NLGN1: variants seen among roughly 807,000 people sequenced by gnomAD.
NLGN1 encodes the protein neuroligin-1.
NLGN1 carries 12 observed loss-of-function variants against 65.5 expected under a neutral mutation model. That is an observed-to-expected ratio of 0.18 (90% CI 0.12 to 0.30). NLGN1 has a LOEUF of 0.30. Among genes scored for constraint, NLGN1 ranks in the 10% least tolerant of loss-of-function variants. NLGN1 has a pLI of 1.00. For missense variants in NLGN1, 750 were observed against 1,007.1 expected (o/e 0.74, Z 3.46); for synonymous variants, 350 against 359.5 (o/e 0.97, Z 0.30).
chr3:173,918,017 C>T (rs1205132637), intron 4 of NLGN1, among the ~76,000 whole-genome samples: 2 of 152,080 alleles, frequency 1.3e-5, no homozygotes, highest in Non-Finnish European at 2.9e-5. Flanking sequence ...GCAGTAAGAA[C>T]ACGTACCTCT....
chr3:173,994,489 AAAAG>A (rs1362638208), intron 4 of NLGN1, among the ~76,000 whole-genome samples: 3 of 62,458 alleles, frequency 4.8e-5, no homozygotes, highest in South Asian at 5.8e-4. Flanking sequence ...AAAAAAAAAA[AAAAG>A]AGAGAGAGAG....
intron 3 of NLGN1, among the ~76,000 whole-genome samples, chr3:173,671,901 G>C (rs763153437): frequency 6.6e-6 from 1 of 152,194 alleles, no homozygotes; most frequent in African/African-American, 2.4e-5. Context: ...TTGGCCGGGC[G>C]TGGTGGCTCA....
intron 3 of NLGN1, among the ~76,000 whole-genome samples, chr3:173,675,887 T>TCTCTCTCTCTCA (rs756157881): frequency 4.6e-4 from 64 of 138,644 alleles, no homozygotes; most frequent in Middle Eastern, 3.8e-3. Flanking sequence ...TCTCTCTCTC[T>TCTCTCTCTCTCA]CACACACACA....
At chr3:173,548,164 C>G (rs1176112413) in intron 2 of NLGN1, among the ~76,000 whole-genome samples, 2 of 152,082 alleles carry the variant, frequency 1.3e-5, no homozygotes, top group African/African-American at 4.8e-5. Context: ...CCTTCACTTA[C>G]CATATGCAGC....
chr3:173,960,437 T>G (rs1713264060), intron 4 of NLGN1, among the ~76,000 whole-genome samples: 2 of 152,014 alleles, frequency 1.3e-5, no homozygotes, highest in Admixed American at 6.5e-5. Context: ...TTTGCTCCAA[T>G]GTAACTTTGG....
At chr3:174,076,724 A>AGAGAGTGTGT (rs1491274049) in intron 4 of NLGN1, among the ~76,000 whole-genome samples, 8 of 82,044 alleles carry the variant, frequency 9.8e-5, no homozygotes, top group Non-Finnish European at 1.7e-4. Context: ...AGAGAGAGAG[A>AGAGAGTGTGT]GTGTGTGTGT....
chr3:173,789,836 A>G (rs1051805758), intron 3 of NLGN1: 10 of 508,378 alleles, frequency 2.0e-5, no homozygotes, highest in African/African-American at 1.5e-4. Flanking sequence ...TGAATAGAAC[A>G]CATTTTCTAT....
At chr3:174,024,988 C>A (rs1321700122) in intron 4 of NLGN1, among the ~76,000 whole-genome samples, 1 of 152,156 alleles carries the variant, frequency 6.6e-6, no homozygotes, top group Non-Finnish European at 1.5e-5. Flanking sequence ...TTCATGAGCC[C>A]AGGCTGTTCT....
chr3:174,053,470 G>GT (rs1735365984), intron 4 of NLGN1, among the ~76,000 whole-genome samples: 2 of 151,826 alleles, frequency 1.3e-5, no homozygotes, highest in South Asian at 4.2e-4. Flanking sequence ...AATTGATTCT[G>GT]TTTTTTCAGT....
upstream of NLGN1, among the ~76,000 whole-genome samples, chr3:173,396,060 TGGC>T (rs879786935): frequency 4.0e-5 from 6 of 151,524 alleles, no homozygotes; most frequent in East Asian, 1.9e-4. Flanking sequence ...CAGGTAGCAG[TGGC>T]GGCGGCGGCG....
chr3:173,788,578 A>G (rs1394618285), intron 3 of NLGN1, among the ~76,000 whole-genome samples: 2 of 152,112 alleles, frequency 1.3e-5, no homozygotes, highest in Admixed American at 6.5e-5. Flanking sequence ...AACTAATGAA[A>G]AAAAATCAAG....
chr3:173,909,254 G>A (rs1739085602), intron 4 of NLGN1, among the ~76,000 whole-genome samples: 1 of 152,048 alleles, frequency 6.6e-6, no homozygotes, highest in African/African-American at 2.4e-5. Context: ...ATGGCATTTG[G>A]CACCTAGAAG....
At chr3:174,256,237 C>G (rs952570783) in intron 4 of NLGN1, among the ~76,000 whole-genome samples, 1 of 152,116 alleles carries the variant, frequency 6.6e-6, no homozygotes, top group Non-Finnish European at 1.5e-5. Context: ...ATTCAGGGGA[C>G]ATAGGCCAAT....
At chr3:173,803,458 A>C (rs1457450161) in intron 3 of NLGN1, among the ~76,000 whole-genome samples, 2 of 152,062 alleles carry the variant, frequency 1.3e-5, no homozygotes, top group Non-Finnish European at 2.9e-5. Flanking sequence ...AAATAAAAAA[A>C]TGAGCCCAGC....
intron 4 of NLGN1, among the ~76,000 whole-genome samples, chr3:174,139,459 T>A (rs1046997617): frequency 1.3e-5 from 2 of 152,160 alleles, no homozygotes; most frequent in African/African-American, 4.8e-5. Context: ...ATTTTTTTTT[T>A]AGCACTGAAT....
intron 3 of NLGN1, among the ~76,000 whole-genome samples, chr3:173,680,170 G>A (rs1274662923): frequency 6.6e-6 from 1 of 152,064 alleles, no homozygotes; most frequent in African/African-American, 2.4e-5. Flanking sequence ...ATTTTGTTTT[G>A]TTTCTTAGCG....
chr3:174,140,705 A>G (rs1294597444), intron 4 of NLGN1, among the ~76,000 whole-genome samples: 2 of 152,170 alleles, frequency 1.3e-5, no homozygotes, highest in Non-Finnish European at 2.9e-5. Flanking sequence ...CTCTTGGTTG[A>G]CAATATCCTC....
intron 1 of NLGN1, among the ~76,000 whole-genome samples, chr3:173,428,037 T>G (rs1035505864): frequency 6.6e-6 from 1 of 151,888 alleles, no homozygotes; most frequent in Non-Finnish European, 1.5e-5. Context: ...GCTCCTGTTA[T>G]ATTGACCCAC....
chr3:173,541,331 T>C (rs922207068), intron 2 of NLGN1, among the ~76,000 whole-genome samples: 1 of 152,154 alleles, frequency 6.6e-6, no homozygotes, highest in Non-Finnish European at 1.5e-5. Flanking sequence ...ATTATTGTAA[T>C]AATAACATTT....
Sources: gnomAD v4.1 joint callset for allele counts (sites outside exome capture counted in the v4.1 genomes callset) on GRCh38, gnomAD v4.1.1 for gene constraint, MANE v1.5 for transcripts, NCBI Gene and HGNC (gene_info 2026-07-23, HGNC 2026-07-21) for gene names.